ARHGEF17: variants seen among roughly 807,000 people sequenced by gnomAD.
The protein encoded by ARHGEF17 is Rho guanine nucleotide exchange factor 17.
In ARHGEF17, 80 loss-of-function variants were observed where a neutral mutation model predicts 174.0. The observed-to-expected ratio is 0.46, with a 90% confidence interval of 0.38 to 0.55. The LOEUF is 0.55. Among genes scored for constraint, ARHGEF17 ranks in the 20% least tolerant of loss-of-function variants. ARHGEF17 has a pLI of 0.00. For missense variants in ARHGEF17, 2,886 were observed against 2,839.7 expected (o/e 1.02, Z -0.37); for synonymous variants, 1,311 against 1,189.1 (o/e 1.10, Z -2.11).
chr11:73,347,963 C>G (rs111378165), intron 2 of ARHGEF17, among the ~76,000 whole-genome samples: 1 of 152,080 alleles, frequency 6.6e-6, no homozygotes, highest in African/African-American at 2.4e-5. Flanking sequence ...CTCCTGGCCT[C>G]GGATAGGTGG....
intron 18 of ARHGEF17, 25 bp downstream of exon 18, chr11:73,364,625 T>C: frequency 6.3e-7 from 1 of 1,596,420 alleles, no homozygotes; most frequent in Non-Finnish European, 8.5e-7. Context: ...GGGAATGGAA[T>C]TGGTGCCATG....
intron 2 of ARHGEF17, among the ~76,000 whole-genome samples, chr11:73,348,541 C>G (rs913591321): frequency 1.3e-5 from 2 of 152,162 alleles, no homozygotes; most frequent in Admixed American, 1.3e-4. Context: ...TCTGATTCCA[C>G]TTGCATGAGG....
chr11:73,333,852 CTT>C, intron 1 of ARHGEF17, among the ~76,000 whole-genome samples: 1 of 152,342 alleles, frequency 6.6e-6, no homozygotes, highest in South Asian at 2.1e-4. Flanking sequence ...GACATTTCCT[CTT>C]TGAGCCTCTG....
At position 73,309,218 on chromosome 11, in the gene ARHGEF17, G is replaced by C; in HGVS notation, c.580G>C (p.Glu194Gln). The change falls in exon 1 of 21, where the codon GAA becomes CAA. Residue 194 changes from glutamate to glutamine, a missense_variant. By Grantham distance (29) the Glu-to-Gln change is conservative. This residue lies in a region of ARHGEF17 where 1,728 missense variants were observed against 1,461.2 expected (regional missense o/e 1.18). Transcript: ENST00000263674. ...GCGGCCCCTGACCGGGCCGGAGACC[G>C]AAGGGAGGCTGCGCCGGCCGCAGCA... The part of the protein sequence containing the change: ...SARPLTGPET[E>Q]GRLRRPQQQQ... 1 of 1,600,108 alleles carries C rather than the reference G, an allele frequency of 6.2e-7. No individual in the cohort carries two copies. Among genetic ancestry groups the C allele is most frequent in the African/African-American group, 1.3e-5 (1 of 74,094 alleles).
intron 1 of ARHGEF17, among the ~76,000 whole-genome samples, chr11:73,323,110 C>G (rs1165168045): frequency 6.6e-6 from 1 of 152,138 alleles, no homozygotes; most frequent in African/African-American, 2.4e-5. Context: ...ACCTCAAACC[C>G]TCTGCTCCAG....
Position 73,365,707 on chromosome 11 carries a change from G to A in ARHGEF17, c.5755G>A (p.Ala1919Thr). The A allele has an allele frequency of 1.2e-6, 2 of 1,613,474 alleles. No individual in the cohort carries two copies. The highest frequency in any genetic ancestry group is 1.7e-6 in the Non-Finnish European group (2 of 1,179,924). ...GGATGCCATCATCCGGCAGCACAAG[G>A]CTGCCTGTCTGCGAATCACAGCGCT... ...GSDAIIRQHK[A>T]ACLRITALLV... Residue 1919 changes from alanine to threonine, a missense_variant, in exon 20 of 21, where the codon GCT becomes ACT. Around this residue, in one of 4 missense-constraint regions of ARHGEF17, gnomAD observed 329 missense variants for 435.2 expected, o/e 0.76. Coordinates refer to ENST00000263674, the MANE Select transcript of ARHGEF17 (RefSeq NM_014786.4). This position sits in a 1 kb window ranked among gnomAD's most constrained non-coding sequence, Gnocchi z 4.9.
At chr11:73,328,986 G>A (rs776160109) in intron 1 of ARHGEF17, among the ~76,000 whole-genome samples, 15 of 152,114 alleles carry the variant, frequency 9.9e-5, no homozygotes, top group Non-Finnish European at 5.9e-5. Flanking sequence ...GAGATGAGAC[G>A]TGAGGCTGGA....
At chr11:73,336,722 T>G (rs1458429952) in intron 1 of ARHGEF17, among the ~76,000 whole-genome samples, 1 of 152,230 alleles carries the variant, frequency 6.6e-6, no homozygotes, top group Non-Finnish European at 1.5e-5. Context: ...CCATGGCTCC[T>G]CCACCTCCCT....
chr11:73,368,266 A>G lies in ARHGEF17; in HGVS notation c.*486A>G, dbSNP rs1017294362. ...GTGATTTGAGGAAATGACATGAGGAAAAGAAACCTATTCCTGCCCTGGGGA... is the reference window on the plus strand; with the variant it reads ...GTGATTTGAGGAAATGACATGAGGAGAAGAAACCTATTCCTGCCCTGGGGA... On this transcript the variant is annotated 3_prime_UTR_variant, in exon 21 of 21. Transcript: ENST00000263674. The G allele has an allele frequency of 6.5e-6, 1 of 153,846 alleles. No individual in the cohort carries two copies. The highest frequency in any genetic ancestry group is 2.4e-5 in the African/African-American group (1 of 41,440). 9.5% of individuals were successfully genotyped at this position (153,846 alleles called of 1,614,324 possible).
At chr11:73,318,921 C>T (rs993974168) in intron 1 of ARHGEF17, among the ~76,000 whole-genome samples, 4 of 152,236 alleles carry the variant, frequency 2.6e-5, no homozygotes, top group Non-Finnish European at 4.4e-5. Context: ...ACAGGCCTGC[C>T]CGCCTCTGGC....
At chr11:73,347,041 C>A in intron 2 of ARHGEF17, 81 bp downstream of exon 2, 1 of 1,353,582 alleles carries the variant, frequency 7.4e-7, no homozygotes, top group Non-Finnish European at 1.0e-6. Flanking sequence ...AAACCCCTTT[C>A]ATGGACAAGG....
At chr11:73,329,356 TATATATATATATATATA>T (rs1373168325) in intron 1 of ARHGEF17, among the ~76,000 whole-genome samples, 10,469 of 36,934 alleles carry the variant, frequency 0.28, 3,252 homozygotes, top group Non-Finnish European at 0.34. Context: ...TATATATATA[TATATATATATATATATA>T]TTTTTTTTTT....
chr11:73,310,482 C>T lies in ARHGEF17; in HGVS notation c.1844C>T (p.Ala615Val), dbSNP rs746538707. ...MGAQQDDGSD[A>V]PPGSPDWAGD... ...GCCCAACAAGATGATGGAAGCGATG[C>T]CCCCCCTGGAAGCCCTGACTGGGCA... The change falls in exon 1 of 21, where the codon GCC (alanine) becomes GTC (valine). Residue 615 changes from alanine (A) to valine (V), a missense_variant. Around this residue, in one of 4 missense-constraint regions of ARHGEF17, gnomAD observed 1,728 missense variants for 1,461.2 expected, o/e 1.18. Coordinates refer to ENST00000263674, the MANE Select transcript of ARHGEF17 (RefSeq NM_014786.4). The T allele has an allele frequency of 8.7e-6, 14 of 1,613,824 alleles. No individual in the cohort carries two copies. Among genetic ancestry groups the T allele is most frequent in the Admixed American group, 3.3e-5 (2 of 60,006 alleles).
At chr11:73,320,841 T>C (rs1865006582) in intron 1 of ARHGEF17, among the ~76,000 whole-genome samples, 1 of 152,000 alleles carries the variant, frequency 6.6e-6, no homozygotes, top group Non-Finnish European at 1.5e-5. Flanking sequence ...TTTTTACTTT[T>C]AGTAGAGGCA....
rs769244346 is a variant in ARHGEF17 at position 73,363,406 on chromosome 11, G to A, written c.5197G>A (p.Asp1733Asn). The A allele has an allele frequency of 3.0e-5, 48 of 1,613,176 alleles. No homozygotes were observed. The highest frequency in any genetic ancestry group is 1.7e-4 in the Middle Eastern group (1 of 6,050). The change falls in exon 15 of 21, where the codon GAC (aspartate) becomes AAC (asparagine). Residue 1733 changes from aspartate (D) to asparagine (N), a missense_variant. This residue lies in a region of ARHGEF17 where 476 missense variants were observed against 473.1 expected (regional missense o/e 1.01). Transcript: ENST00000263674. ...CAGCCTTGAGGACCTGCTGAGTGTC[G>A]ACCCTGAGGCCTACCAGAGCTCCGT... ...RGSLEDLLSV[D>N]PEAYQSSVWL...
rs1011878420 is a variant in ARHGEF17 at position 73,326,819 on chromosome 11, T to C, written c.3192+14989T>C. The stretch of plus-strand genomic sequence containing the variant: ...AGAAGTATAAAGCAGGCTGATCTCA[T>C]TGATTTAAGTGAAAGTAGGGTCATG... On this transcript the variant is annotated intron_variant, in intron 1 of 20. Coordinates refer to ENST00000263674, the MANE Select transcript of ARHGEF17 (RefSeq NM_014786.4). Among the ~76,000 whole-genome samples, 11 of 152,238 alleles carry C rather than the reference T, an allele frequency of 7.2e-5. No individual in the cohort carries two copies. In the South Asian group the frequency reaches 1.4e-3, roughly 20 times the overall value.
chr11:73,310,659 C>A lies in ARHGEF17; in HGVS notation c.2021C>A (p.Ser674Tyr). The change falls in exon 1 of 21, where the codon TCC becomes TAC. Residue 674 changes from serine (S) to tyrosine (Y), a missense_variant. By Grantham distance (144) the Ser-to-Tyr change is moderately radical (BLOSUM62 -2). This residue lies in a region of ARHGEF17 where 1,728 missense variants were observed against 1,461.2 expected (regional missense o/e 1.18). Transcript: ENST00000263674. Reference protein sequence around the residue: ...TTGMWRPLSSSSAQTNHHGPG... With the variant: ...TTGMWRPLSSYSAQTNHHGPG... The stretch of plus-strand genomic sequence containing the variant: ...GGGATGTGGCGACCTCTTTCCTCAT[C>A]CTCGGCCCAGACGAACCACCATGGC... 1.9e-6 allele frequency: 3 copies of A among 1,614,022 alleles called. No individual in the cohort carries two copies. Among genetic ancestry groups the A allele is most frequent in the Non-Finnish European group, 1.7e-6 (2 of 1,180,028 alleles).
At chr11:73,344,642 T>A (rs990825566) in intron 1 of ARHGEF17, among the ~76,000 whole-genome samples, 3 of 152,226 alleles carry the variant, frequency 2.0e-5, no homozygotes, top group African/African-American at 7.2e-5. Flanking sequence ...TGGACACTGG[T>A]GACCTGCTGC....
chr11:73,356,073 A>T (rs1264252113), intron 5 of ARHGEF17, 102 bp from the exon 6 acceptor site: 1 of 1,575,188 alleles, frequency 6.3e-7, no homozygotes, highest in Non-Finnish European at 8.7e-7. Flanking sequence ...CAGGTAGGAA[A>T]GATAGTCCTC....
Sources: gnomAD v4.1 joint callset for allele counts (sites outside exome capture counted in the v4.1 genomes callset) on GRCh38, gnomAD v4.1.1 for gene constraint, gnomAD v4.1.1 regional missense constraint, Gnocchi (gnomAD v3.1) non-coding constraint, MANE v1.5 for transcripts, NCBI Gene and HGNC (gene_info 2026-07-23, HGNC 2026-07-21) for gene names.